The following ERMP1 variants were observed in gnomAD, a reference collection of about 807,000 sequenced individuals.
ERMP1 encodes the protein endoplasmic reticulum metallopeptidase 1, also known as Felix-ina.
ERMP1 carries 86 observed loss-of-function variants against 92.0 expected under a neutral mutation model. That is an observed-to-expected ratio of 0.93 (90% CI 0.79 to 1.12). ERMP1 has a LOEUF of 1.12. Ranked by LOEUF, ERMP1 falls within the 50% of genes most tolerant of loss-of-function variation. The probability of loss-of-function intolerance (pLI) is 0.00; values close to 1 mark genes in which losing one functional copy is unlikely to be tolerated. For missense variants in ERMP1, 1,342 were observed against 1,116.3 expected (o/e 1.20, Z -2.88); for synonymous variants, 530 against 412.8 (o/e 1.28, Z -3.44).
In ERMP1 at chr9:5,842,099, T is replaced by C. The variant is rs191507790; in HGVS notation, n.3200-8787A>G. 2.0e-4 allele frequency among the ~76,000 whole-genome samples: 30 copies of C among 152,222 alleles called. No homozygotes were observed. The East Asian group carries it at 5.2e-3, about 26-fold the overall frequency. On this transcript the variant is annotated intron_variant and non_coding_transcript_variant, in intron 6 of 6. Transcript: ENST00000690753. Reference sequence around the variant, plus strand: ...AAAGAGTGAGCAGCAGCAAGATTTATTGTGAAAACAGAAAGAACAAAGCCT... The same window carrying C: ...AAAGAGTGAGCAGCAGCAAGATTTACTGTGAAAACAGAAAGAACAAAGCCT...
At chr9:5,821,394 C>T (rs1453751363) in intron 4 of ERMP1, among the ~76,000 whole-genome samples, 3 of 152,216 alleles carry the variant, frequency 2.0e-5, no homozygotes, top group Non-Finnish European at 4.4e-5. Flanking sequence ...AGTTTGTTTA[C>T]ACCCTTTCAG....
intron 6 of ERMP1, among the ~76,000 whole-genome samples, chr9:5,851,223 C>A (rs1273953633): frequency 6.6e-6 from 1 of 152,158 alleles, no homozygotes; most frequent in Admixed American, 6.5e-5. Flanking sequence ...AGCTCAGAGC[C>A]AAATCTGAGG....
In ERMP1 at chr9:5,861,717, GTTTTTTTTTTT is replaced by G. The variant is rs34804675; in HGVS notation, n.3056-2117_3056-2107del. Among the ~76,000 whole-genome samples, 4 of 66,228 alleles carry G rather than the reference GTTTTTTTTTTT, an allele frequency of 6.0e-5. No individual in the cohort carries two copies. In the East Asian group the frequency reaches 1.6e-3, roughly 27 times the overall value. 43.4% of individuals were successfully genotyped at this position (66,228 alleles called of 152,430 possible). A position where few individuals can be genotyped will look rare whatever the true frequency, so the allele number is the denominator to read the frequency against. ...GTTGACCCCAGAGAAGAGAGGAAGG[GTTTTTTTTTTT>G]TTTTTTTTTTTTTGGTCTGCCCAGA... is the stretch of plus-strand genomic sequence containing the variant. On this transcript the variant is annotated intron_variant and non_coding_transcript_variant, in intron 5 of 6. Transcript: ENST00000690753.
rs67420468 is a variant in ERMP1 at position 5,865,837 on chromosome 9, C to CA, written n.3055+1964dup. Among the ~76,000 whole-genome samples, 457 of 109,480 alleles carry CA rather than the reference C, an allele frequency of 4.2e-3. 1 individual carries two copies. Among genetic ancestry groups the CA allele is most frequent in the East Asian group, 7.6e-3 (26 of 3,424 alleles). The allele number at this position is 109,480 out of a possible 152,430, so 71.8% of individuals were successfully genotyped here. On this transcript the variant is annotated intron_variant and non_coding_transcript_variant, in intron 5 of 6. Transcript: ENST00000690753. ...CGGGCAACAGAGTGAGGCTCTGTCT[C>CA]AAAAAAAAAAAAAAAAAAAATGATA...
intron 6 of ERMP1, among the ~76,000 whole-genome samples, chr9:5,848,298 A>C (rs981591197): frequency 1.6e-4 from 24 of 152,184 alleles, no homozygotes; most frequent in Non-Finnish European, 3.4e-4. Context: ...AGAAGGAGAC[A>C]AGATAATGGA....
intron 6 of ERMP1, among the ~76,000 whole-genome samples, chr9:5,857,402 T>A (rs1830391222): frequency 6.6e-6 from 1 of 152,144 alleles, no homozygotes; most frequent in African/African-American, 2.4e-5. Flanking sequence ...CACGTGCACA[T>A]CCAGCAACTC....
chr9:5,793,102 A>G (rs10975284), intron 13 of ERMP1, among the ~76,000 whole-genome samples: 47,467 of 151,998 alleles, frequency 0.31, 8,793 homozygotes, highest in East Asian at 0.76. Flanking sequence ...ACGCTTCTGT[A>G]TAAGAGAGAT....
chr9:5,862,909 T>C (rs183596117), intron 5 of ERMP1, among the ~76,000 whole-genome samples: 6 of 152,318 alleles, frequency 3.9e-5, no homozygotes, highest in African/African-American at 1.4e-4. Context: ...CAGAATCCAA[T>C]GGTCTCCCTT....
At chr9:5,812,618 A>G in intron 5 of ERMP1, 1 of 487,026 alleles carries the variant, frequency 2.1e-6, no homozygotes, top group East Asian at 3.8e-5. Context: ...AGACCCCTGA[A>G]GGATCTATTA....
chr9:5,853,012 GA>G (rs1472747264), intron 6 of ERMP1, among the ~76,000 whole-genome samples: 5 of 152,164 alleles, frequency 3.3e-5, no homozygotes, highest in Middle Eastern at 3.2e-3. Context: ...ATTAACAGGG[GA>G]AAAAGCATCT....
chr9:5,795,354 C>A (rs1244384557), intron 13 of ERMP1, among the ~76,000 whole-genome samples: 1 of 152,210 alleles, frequency 6.6e-6, no homozygotes, highest in Non-Finnish European at 1.5e-5. Context: ...TCCCCTCTCA[C>A]AACGCCTTGT....
At chr9:5,821,771 G>A (rs1047397396) in intron 4 of ERMP1, among the ~76,000 whole-genome samples, 1 of 152,090 alleles carries the variant, frequency 6.6e-6, no homozygotes. Context: ...TGGAGATGAA[G>A]GCACTTAACA....
chr9:5,830,877 G>A lies in ERMP1; in HGVS notation c.490C>T (p.Pro164Ser), dbSNP rs764770709. 6.2e-7 allele frequency: 1 copy of A among 1,614,020 alleles called. No homozygotes were observed. Among genetic ancestry groups the A allele is most frequent in the Non-Finnish European group, 8.5e-7 (1 of 1,180,020 alleles). Reference protein sequence around the residue: ...LHKISVDVQRPTGSFSIDFLG... With the variant: ...LHKISVDVQRSTGSFSIDFLG... The stretch of plus-strand genomic sequence containing the variant: ...AAATCAATGCTAAAAGAGCCTGTGG[G>A]CCGTTGTACATCTACTGAAATCTTA... The change falls in exon 2 of 15, where the codon CCC (proline) becomes TCC (serine). Residue 164 changes from proline (P) to serine (S), a missense_variant. Coordinates refer to ENST00000339450, the MANE Select transcript of ERMP1 (RefSeq NM_024896.3).
At chr9:5,822,194 G>A (rs1829567690) in intron 4 of ERMP1, among the ~76,000 whole-genome samples, 1 of 152,194 alleles carries the variant, frequency 6.6e-6, no homozygotes, top group Non-Finnish European at 1.5e-5. Context: ...AGAGGTTGCA[G>A]TGAGCCGAGA....
At position 5,832,782 on chromosome 9, in the gene ERMP1, G is replaced by A. The variant is rs559155223; in HGVS notation, c.246C>T (p.Ile82=). 11 of 1,500,366 alleles carry A rather than the reference G, an allele frequency of 7.3e-6. No homozygotes were observed. Among genetic ancestry groups the A allele is most frequent in the Non-Finnish European group, 8.8e-6 (10 of 1,133,006 alleles). The allele number at this position is 1,500,366 out of a possible 1,614,324, so 92.9% of individuals were successfully genotyped here. A position where few individuals can be genotyped will look rare whatever the true frequency, so the allele number is the denominator to read the frequency against. ...AGAGCTGCACCAGCGTCCGCAGCGC[G>A]ATCAGGTAGAGCGCGAGCCCCAGCG... The part of the protein sequence containing the change: ...RAALGLALYL[I]ALRTLVQLSL... The change falls in exon 1 of 15, where the codon ATC becomes ATT. Residue 82 remains isoleucine (I), a synonymous_variant. Coordinates refer to ENST00000339450, the MANE Select transcript of ERMP1 (RefSeq NM_024896.3).
rs367840272 is a variant in ERMP1 at position 5,810,985 on chromosome 9, C to A, written c.1327+126G>T. 108 of 579,862 alleles carry A rather than the reference C, an allele frequency of 1.9e-4. No individual in the cohort carries two copies. The East Asian group carries it at 2.7e-3, about 15-fold the overall frequency. 35.9% of individuals were successfully genotyped at this position (579,862 alleles called of 1,614,324 possible). A position where few individuals can be genotyped will look rare whatever the true frequency, so the allele number is the denominator to read the frequency against. ...TAATTTAATATTTAAAAATTTCTTA[C>A]AATATAAAGCAAACATTGTCTTAAG... On this transcript the variant is annotated intron_variant, in intron 7 of 14. Transcript: ENST00000339450.
chr9:5,832,408 AACCATCTGCACGAAGGGCAG>A (rs1829978264), intron 1 of ERMP1: 2 of 407,630 alleles, frequency 4.9e-6, no homozygotes, highest in East Asian at 7.8e-5. Context: ...ACTCACAACC[AACCATCTGCACGAAGGGCAG>A]ACAGTGGAAA....
At chr9:5,807,577 C>T (rs1042682693) in intron 8 of ERMP1, among the ~76,000 whole-genome samples, 2 of 152,064 alleles carry the variant, frequency 1.3e-5, no homozygotes, top group Non-Finnish European at 2.9e-5. Context: ...AAAACCCTGT[C>T]TCTACTAAAA....
intron 2 of ERMP1, among the ~76,000 whole-genome samples, chr9:5,829,981 C>T (rs927887539): frequency 7.2e-5 from 11 of 152,160 alleles, no homozygotes; most frequent in African/African-American, 2.7e-4. Context: ...CAGGCACTGT[C>T]CTAAATGCAA....
Sources: allele counts gnomAD v4.1 joint callset (sites outside exome capture counted in the v4.1 genomes callset), GRCh38; gene constraint gnomAD v4.1.1; transcripts MANE v1.5; gene names NCBI Gene and HGNC (gene_info 2026-07-23, HGNC 2026-07-21).